The following LRRC70 variants were observed in gnomAD, a reference collection of about 807,000 sequenced individuals.
LRRC70 encodes leucine-rich repeat-containing protein 70.
A neutral mutation model predicts 42.4 loss-of-function variants in LRRC70; 31 were observed. That is an observed-to-expected ratio of 0.73 (90% CI 0.55 to 0.99). The LOEUF (loss-of-function observed/expected upper bound fraction) is 0.99. LRRC70 is among the 50% of genes least tolerant of loss of function. LRRC70 has a pLI of 0.00. For synonymous variants in LRRC70, 270 were observed against 262.9 expected (o/e 1.03, Z -0.26); for missense variants, 643 against 707.5 (o/e 0.91, Z 1.03).
chr5:62,580,794 T>C lies in LRRC70; in HGVS notation c.1356T>C (p.Ile452=), dbSNP rs1283929644. Residue 452 remains isoleucine (I), a synonymous_variant, in exon 2 of 2, where the codon ATT becomes ATC. Transcript: ENST00000334994. ...TGGAAAATACTGAGACTGAGAACAT[T>C]ACTTTCTGGGAACGAATTCCTACTT... The part of the protein sequence containing the change: ...SPLENTETEN[I]TFWERIPTSP... The C allele has an allele frequency of 4.5e-6, 7 of 1,551,304 alleles. No individual in the cohort carries two copies. The highest frequency in any genetic ancestry group is 3.9e-5 in the Admixed American group (2 of 50,966).
At position 62,579,516 on chromosome 5, in the gene LRRC70, C is replaced by T; in HGVS notation, c.78C>T (p.His26=). The T allele has an allele frequency of 6.4e-7, 1 of 1,550,976 alleles. No individual in the cohort carries two copies. Among genetic ancestry groups the T allele is most frequent in the Non-Finnish European group, 8.7e-7 (1 of 1,146,550 alleles). The change falls in exon 2 of 2, where the codon CAC becomes CAT. Residue 26 remains histidine (H), a synonymous_variant. Transcript: ENST00000334994. ...VVTCYLLLLL[H]KEILGCSSVC... Reference sequence around the variant, plus strand: ...CCTGTTATCTTTTATTATTACTCCACAAAGAAATACTTGGATGTTCGTCTG... The same window carrying T: ...CCTGTTATCTTTTATTATTACTCCATAAAGAAATACTTGGATGTTCGTCTG...
Position 62,580,918 on chromosome 5 carries a change from T to A in LRRC70, c.1480T>A (p.Leu494Met). The change falls in exon 2 of 2, where the codon TTG (leucine) becomes ATG (methionine). Residue 494 changes from leucine to methionine, a missense_variant. Coordinates refer to ENST00000334994, the MANE Select transcript of LRRC70 (RefSeq NM_181506.5). ...VQIQLTTSVT[L>M]NLEKNSALPN... ...AATACAACTTACTACTTCTGTTACC[T>A]TGAACTTGGAAAAAAACAGTGCTCT... 1.3e-6 allele frequency: 2 copies of A among 1,551,352 alleles called. No individual in the cohort carries two copies. The highest frequency in any genetic ancestry group is 1.7e-6 in the Non-Finnish European group (2 of 1,146,830).
rs550260544 is a variant in LRRC70 at position 62,580,220 on chromosome 5, A to G, written c.782A>G (p.Asn261Ser). 5.0e-5 allele frequency: 78 copies of G among 1,550,866 alleles called. No homozygotes were observed. Among genetic ancestry groups the G allele is most frequent in the Admixed American group, 2.7e-4 (14 of 50,962 alleles). ...AATCTGGAATACCTCCTCCTGAAAA[A>G]TTCAAGAATTAGGAATGTTACTAGG... ...LANLEYLLLK[N>S]SRIRNVTRDG... The change falls in exon 2 of 2, where the codon AAT becomes AGT. Residue 261 changes from asparagine to serine, a missense_variant. Asn to Ser is a conservative substitution (Grantham distance 46). Transcript: ENST00000334994.
rs1009430946 is a variant in LRRC70 at position 62,579,618 on chromosome 5, A to G, written c.180A>G (p.Glu60=). 2 of 1,550,928 alleles carry G rather than the reference A, an allele frequency of 1.3e-6. No individual in the cohort carries two copies. The highest frequency in any genetic ancestry group is 1.7e-6 in the Non-Finnish European group (2 of 1,146,550). The change falls in exon 2 of 2, where the codon GAA becomes GAG. Residue 60 remains glutamate (E), a synonymous_variant. Transcript: ENST00000334994. ...GLSSIPKNFP[E]STVFLYLTGN... Reference sequence around the variant, plus strand: ...CGAGTATTCCTAAGAATTTTCCTGAAAGTACAGTTTTTCTGTATCTGACTG... The same window carrying G: ...CGAGTATTCCTAAGAATTTTCCTGAGAGTACAGTTTTTCTGTATCTGACTG...
At position 62,580,017 on chromosome 5, in the gene LRRC70, G is replaced by C; in HGVS notation, c.579G>C (p.Leu193Phe). Residue 193 changes from leucine (L) to phenylalanine (F), a missense_variant, in exon 2 of 2, where the codon TTG (leucine) becomes TTC (phenylalanine). By Grantham distance (22) the Leu-to-Phe change is conservative. Transcript: ENST00000334994. Reference sequence around the variant, plus strand: ...TTGATTTATCAAACAATAACATTTTGAGGATATCAGAATCAGGCTTTCAAC... The same window carrying C: ...TTGATTTATCAAACAATAACATTTTCAGGATATCAGAATCAGGCTTTCAAC... Reference protein sequence around the residue: ...RILDLSNNNILRISESGFQHL... With the variant: ...RILDLSNNNIFRISESGFQHL... 6.4e-7 allele frequency: 1 copy of C among 1,551,198 alleles called. No homozygotes were observed. The highest frequency in any genetic ancestry group is 8.7e-7 in the Non-Finnish European group (1 of 1,146,744).
chr5:62,580,911 T>G lies in LRRC70; in HGVS notation c.1473T>G (p.Ser491=). The G allele has an allele frequency of 6.4e-7, 1 of 1,551,372 alleles. No individual in the cohort carries two copies. Among genetic ancestry groups the G allele is most frequent in the Non-Finnish European group, 8.7e-7 (1 of 1,146,846 alleles). ...VLPVQIQLTT[S]VTLNLEKNSA... is the part of the protein sequence containing the mutation. ...CTGTGCAAATACAACTTACTACTTC[T>G]GTTACCTTGAACTTGGAAAAAAACA... is the stretch of plus-strand genomic sequence containing the variant. The change falls in exon 2 of 2, where the codon TCT becomes TCG. Residue 491 remains serine, a synonymous_variant. Transcript: ENST00000334994.
chr5:62,580,900 C>T lies in LRRC70; in HGVS notation c.1462C>T (p.Leu488Phe), dbSNP rs1203293109. The change falls in exon 2 of 2, where the codon CTT (leucine) becomes TTT (phenylalanine). Residue 488 changes from leucine (L) to phenylalanine (F), a missense_variant. Physicochemically the swap from Leu to Phe is conservative, Grantham distance 22. Transcript: ENST00000334994. ...TTAVLPVQIQLTTSVTLNLEK... is the reference protein window; with the variant it reads ...TTAVLPVQIQFTTSVTLNLEK... ...AGCAGTGTTACCTGTGCAAATACAACTTACTACTTCTGTTACCTTGAACTT... is the reference window on the plus strand; with the variant it reads ...AGCAGTGTTACCTGTGCAAATACAATTTACTACTTCTGTTACCTTGAACTT... The T allele has an allele frequency of 3.2e-6, 5 of 1,551,372 alleles. No homozygotes were observed. The highest frequency in any genetic ancestry group is 2.6e-6 in the Non-Finnish European group (3 of 1,146,850).
chr5:62,580,592 G>A lies in LRRC70; in HGVS notation c.1154G>A (p.Cys385Tyr). The A allele has an allele frequency of 6.4e-7, 1 of 1,551,344 alleles. No individual in the cohort carries two copies. Among genetic ancestry groups the A allele is most frequent in the Non-Finnish European group, 8.7e-7 (1 of 1,146,808 alleles). ...TCAGCCATTACTCTAAACATCTATT[G>A]TCAGAATCCCCCATCCATGCGTGGC... ...ASSAITLNIYCQNPPSMRGRA... is the reference protein window; with the variant it reads ...ASSAITLNIYYQNPPSMRGRA... Residue 385 changes from cysteine (C) to tyrosine (Y), a missense_variant, in exon 2 of 2, where the codon TGT becomes TAT. Coordinates refer to ENST00000334994, the MANE Select transcript of LRRC70 (RefSeq NM_181506.5).
At position 62,579,520 on chromosome 5, in the gene LRRC70, G is replaced by A; in HGVS notation, c.82G>A (p.Glu28Lys). Residue 28 changes from glutamate to lysine, a missense_variant, in exon 2 of 2, where the codon GAA becomes AAA. By Grantham distance (56) the Glu-to-Lys change is moderately conservative. Transcript: ENST00000334994. ...TCYLLLLLHK[E>K]ILGCSSVCQL... ...TTATCTTTTATTATTACTCCACAAA[G>A]AAATACTTGGATGTTCGTCTGTTTG... The A allele has an allele frequency of 6.4e-7, 1 of 1,550,978 alleles. No homozygotes were observed.
chr5:62,579,324 C>T (rs764085834), intron 1 of LRRC70, 77 bp from the exon 2 acceptor site: 148 of 904,332 alleles, frequency 1.6e-4, no homozygotes, highest in Non-Finnish European at 2.3e-4. Context: ...AAATAGAATA[C>T]AGAAGTTATA....
rs771888572 is a variant in LRRC70, at chr5:62,579,353, A to C, written c.-38-48A>C. ...AGTTATAGTATTATAAAAAAAATTC[A>C]TTTGATGAAGTTTTCGTGATTTAAA... is the stretch of plus-strand genomic sequence containing the variant. On this transcript the variant is annotated intron_variant, in intron 1 of 1. Transcript: ENST00000334994. 8.9e-6 allele frequency: 11 copies of C among 1,241,430 alleles called. No homozygotes were observed. The African/African-American group carries it at 1.7e-4, about 19-fold the overall frequency. The allele number at this position is 1,241,430 out of a possible 1,614,324, so 76.9% of individuals were successfully genotyped here. A position where few individuals can be genotyped will look rare whatever the true frequency, so the allele number is the denominator to read the frequency against.
Position 62,579,626 on chromosome 5 carries a change from T to C in LRRC70, c.188T>C (p.Val63Ala). Residue 63 changes from valine (V) to alanine (A), a missense_variant, in exon 2 of 2, where the codon GTT becomes GCT. Coordinates refer to ENST00000334994, the MANE Select transcript of LRRC70 (RefSeq NM_181506.5). ...SIPKNFPEST[V>A]FLYLTGNNIS... The stretch of plus-strand genomic sequence containing the variant: ...CCTAAGAATTTTCCTGAAAGTACAG[T>C]TTTTCTGTATCTGACTGGGAATAAT... The C allele has an allele frequency of 6.4e-7, 1 of 1,550,506 alleles. No homozygotes were observed. The highest frequency in any genetic ancestry group is 2.4e-5 in the East Asian group (1 of 40,882).
Position 62,580,286 on chromosome 5 carries a change from T to G in LRRC70, c.848T>G (p.Leu283Ter), listed in dbSNP as rs1262206284. 6.5e-7 allele frequency: 1 copy of G among 1,538,896 alleles called. No homozygotes were observed. The highest frequency in any genetic ancestry group is 2.4e-5 in the East Asian group (1 of 40,828). The change falls in exon 2 of 2, where the codon TTA becomes TGA. Residue 283 changes from leucine (L) to a stop codon, truncating the protein, a stop_gained. Coordinates refer to ENST00000334994, the MANE Select transcript of LRRC70 (RefSeq NM_181506.5). LOFTEE classifies it high-confidence loss of function. ...ATTAATAATCTTAAACATTTGATCT[T>G]AAGTCATAATGATTTAGAGAATTTA... ...SGINNLKHLI[L>*]SHNDLENLNS...
rs2112404107 is a variant in LRRC70 at position 62,580,454 on chromosome 5, C to A, written c.1016C>A (p.Ala339Asp). Reference protein sequence around the residue: ...ILNLSFNNLTALHPRVLKPLS... With the variant: ...ILNLSFNNLTDLHPRVLKPLS... ...AATCTGTCATTTAATAATCTTACAG[C>A]CTTGCATCCAAGGGTCCTTAAGCCG... Residue 339 changes from alanine (A) to aspartate (D), a missense_variant, in exon 2 of 2, where the codon GCC becomes GAC. Coordinates refer to ENST00000334994, the MANE Select transcript of LRRC70 (RefSeq NM_181506.5). 1 of 1,551,370 alleles carries A rather than the reference C, an allele frequency of 6.4e-7. No homozygotes were observed. The highest frequency in any genetic ancestry group is 8.7e-7 in the Non-Finnish European group (1 of 1,146,780).
rs114070168 is a variant in LRRC70, at chr5:62,581,395, G to A, written c.*88G>A. 6,877 of 983,774 alleles carry A rather than the reference G, an allele frequency of 7.0e-3. 28 individuals are homozygous for A. Among genetic ancestry groups the A allele is most frequent in the Middle Eastern group, 0.012 (37 of 3,022 alleles). The allele number at this position is 983,774 out of a possible 1,614,324, so 60.9% of individuals were successfully genotyped here. A position where few individuals can be genotyped will look rare whatever the true frequency, so the allele number is the denominator to read the frequency against. Reference sequence around the variant, plus strand: ...CTTATATAATTATATACTTTAGTTGGAAATATAATGAATTATATGAGGTTA... The same window carrying A: ...CTTATATAATTATATACTTTAGTTGAAAATATAATGAATTATATGAGGTTA... On this transcript the variant is annotated 3_prime_UTR_variant, in exon 2 of 2. Coordinates refer to ENST00000334994, the MANE Select transcript of LRRC70 (RefSeq NM_181506.5).
chr5:62,580,393 A>G lies in LRRC70; in HGVS notation c.955A>G (p.Thr319Ala), dbSNP rs1561371808. The G allele has an allele frequency of 6.4e-7, 1 of 1,550,480 alleles. No homozygotes were observed. The highest frequency in any genetic ancestry group is 8.7e-7 in the Non-Finnish European group (1 of 1,145,910). The change falls in exon 2 of 2, where the codon ACA (threonine) becomes GCA (alanine). Residue 319 changes from threonine (T) to alanine (A), a missense_variant. Thr to Ala is a moderately conservative substitution (Grantham distance 58). Coordinates refer to ENST00000334994, the MANE Select transcript of LRRC70 (RefSeq NM_181506.5). ...CAGAATAATTAGCATTGATAATGAT[A>G]CATTTGAAAATATGGGAGCATCTTT... is the stretch of plus-strand genomic sequence containing the variant. ...RNRIISIDND[T>A]FENMGASLKI...
chr5:62,580,441 A>G lies in LRRC70; in HGVS notation c.1003A>G (p.Asn335Asp). The change falls in exon 2 of 2, where the codon AAT (asparagine) becomes GAT (aspartate). Residue 335 changes from asparagine to aspartate, a missense_variant. Transcript: ENST00000334994. ...TTTGAAGATCCTTAATCTGTCATTT[A>G]ATAATCTTACAGCCTTGCATCCAAG... ...ASLKILNLSFNNLTALHPRVL... is the reference protein window; with the variant it reads ...ASLKILNLSFDNLTALHPRVL... The G allele has an allele frequency of 1.3e-6, 2 of 1,551,406 alleles. No homozygotes were observed. Among genetic ancestry groups the G allele is most frequent in the Non-Finnish European group, 1.7e-6 (2 of 1,146,780 alleles).
chr5:62,580,212 C>T lies in LRRC70; in HGVS notation c.774C>T (p.Leu258=), dbSNP rs938713657. ...FKGLANLEYL[L]LKNSRIRNVT... ...GACTTGCCAATCTGGAATACCTCCT[C>T]CTGAAAAATTCAAGAATTAGGAATG... The change falls in exon 2 of 2, where the codon CTC becomes CTT. Residue 258 remains leucine (L), a synonymous_variant. Coordinates refer to ENST00000334994, the MANE Select transcript of LRRC70 (RefSeq NM_181506.5). The T allele has an allele frequency of 1.2e-5, 18 of 1,550,860 alleles. No homozygotes were observed. Among genetic ancestry groups the T allele is most frequent in the Middle Eastern group, 3.3e-4 (2 of 6,012 alleles).
Position 62,580,824 on chromosome 5 carries a change from T to A in LRRC70, c.1386T>A (p.Pro462=). 1 of 1,551,412 alleles carries A rather than the reference T, an allele frequency of 6.4e-7. No individual in the cohort carries two copies. The highest frequency in any genetic ancestry group is 8.7e-7 in the Non-Finnish European group (1 of 1,146,868). Reference sequence around the variant, plus strand: ...TCTGGGAACGAATTCCTACTTCACCTGCTGGTAGATTTTTTCAAGAGAATG... The same window carrying A: ...TCTGGGAACGAATTCCTACTTCACCAGCTGGTAGATTTTTTCAAGAGAATG... ...ITFWERIPTS[P]AGRFFQENAF... Residue 462 remains proline (P), a synonymous_variant, in exon 2 of 2, where the codon CCT becomes CCA. Transcript: ENST00000334994.
Sources: gnomAD v4.1 joint callset for allele counts on GRCh38, gnomAD v4.1.1 for gene constraint, MANE v1.5 for transcripts, NCBI Gene and HGNC (gene_info 2026-07-23, HGNC 2026-07-21) for gene names.